The following ADCY8 variants were observed in gnomAD, a reference collection of about 807,000 sequenced individuals.
ADCY8 encodes adenylate cyclase 8, also known as adenylate cyclase type 8.
Under a neutral mutation model 119.7 loss-of-function variants are expected in ADCY8, and 51 were observed. The ratio of observed to expected loss-of-function variants is 0.43; its 90% CI spans 0.34 to 0.54. ADCY8 has a LOEUF of 0.54. Ranked by LOEUF, ADCY8 falls within the 20% of genes least tolerant of loss-of-function variation. The pLI is 0.03. For missense variants in ADCY8, 1,383 were observed against 1,598.8 expected, an observed-to-expected ratio of 0.87 and a Z score of 2.30; for synonymous variants, 665 against 651.0, an observed-to-expected ratio of 1.02 and a Z score of -0.33.
intron 8 of ADCY8, among the ~76,000 whole-genome samples, chr8:130,881,406 A>G (rs1004335926): frequency 6.6e-6 from 1 of 152,164 alleles, no homozygotes; most frequent in Non-Finnish European, 1.5e-5. Context: ...GTGTTTGAAC[A>G]TTTCAGTGTT....
At chr8:130,885,223 ATTT>A (rs200305628) in intron 7 of ADCY8, among the ~76,000 whole-genome samples, 175 of 149,504 alleles carry the variant, frequency 1.2e-3, no homozygotes, top group African/African-American at 3.5e-3. Flanking sequence ...TATGGCTTGC[ATTT>A]TTTTTTTTTT....
At chr8:130,827,977 C>T (rs1301926972) in intron 12 of ADCY8, among the ~76,000 whole-genome samples, 1 of 152,168 alleles carries the variant, frequency 6.6e-6, no homozygotes, top group African/African-American at 2.4e-5. Context: ...GGCATGTTGG[C>T]TGTGTTTGAA....
chr8:130,785,337 G>A lies in ADCY8; in HGVS notation c.3153+46C>T, dbSNP rs369291787. ...CACCACCGTCGGTGACATGACAACAGCAAGACCCCACCATGCATTGTGGCT... is the reference window on the plus strand; with the variant it reads ...CACCACCGTCGGTGACATGACAACAACAAGACCCCACCATGCATTGTGGCT... On this transcript the variant is annotated intron_variant, in intron 16 of 17. Coordinates refer to ENST00000286355, the MANE Select transcript of ADCY8 (RefSeq NM_001115.3). 6 of 1,400,288 alleles carry A rather than the reference G, an allele frequency of 4.3e-6. No individual in the cohort carries two copies. The African/African-American group carries it at 5.8e-5, about 13-fold the overall frequency. 86.7% of individuals were successfully genotyped at this position (1,400,288 alleles called of 1,614,324 possible).
At chr8:130,936,072 CAT>C (rs10645659) in intron 5 of ADCY8, among the ~76,000 whole-genome samples, 298 of 97,158 alleles carry the variant, frequency 3.1e-3, no homozygotes, top group African/African-American at 0.012. Context: ...CAAGCACTGA[CAT>C]GTGTGTGTGT....
chr8:130,807,983 C>CAAAAAAAAAAAAAAAA (rs752321769), intron 14 of ADCY8, among the ~76,000 whole-genome samples: 11 of 47,236 alleles, frequency 2.3e-4, no homozygotes, highest in Non-Finnish European at 2.4e-4. Context: ...GACTCCGTCT[C>CAAAAAAAAAAAAAAAA]AAAAAAAAAA....
At position 131,040,657 on chromosome 8, in the gene ADCY8, G is replaced by A. The variant is rs149954189; in HGVS notation, c.-324C>T. ...TGTGAGCCACGCAGCCCCTTCCTGGGCTCAGGCTCCTTGGTTGATTCTAGG... is the reference window on the plus strand; with the variant it reads ...TGTGAGCCACGCAGCCCCTTCCTGGACTCAGGCTCCTTGGTTGATTCTAGG... On this transcript the variant is annotated 5_prime_UTR_variant, in exon 1 of 18. Transcript: ENST00000286355. 2.2e-4 allele frequency: 52 copies of A among 241,088 alleles called. 1 individual carries two copies. Among genetic ancestry groups the A allele is most frequent in the Non-Finnish European group, 3.7e-4 (47 of 126,958 alleles). The allele number at this position is 241,088 out of a possible 1,614,324, so 14.9% of individuals were successfully genotyped here. A position where few individuals can be genotyped will look rare whatever the true frequency, so the allele number is the denominator to read the frequency against.
chr8:130,876,798 T>C (rs984269971), intron 8 of ADCY8, among the ~76,000 whole-genome samples: 11 of 152,206 alleles, frequency 7.2e-5, no homozygotes, highest in African/African-American at 2.2e-4. Flanking sequence ...ATTTGCCATA[T>C]GCATTACTGT....
chr8:130,785,485 A>G lies in ADCY8; in HGVS notation c.3061-10T>C. On this transcript the variant is annotated splice_polypyrimidine_tract_variant and intron_variant, in intron 15 of 17. Coordinates refer to ENST00000286355, the MANE Select transcript of ADCY8 (RefSeq NM_001115.3). ...GGTCTTCACCAAGCAACTGAAAGAG[A>G]GCCAGGCAATGGTGTTAGCCCTGGT... The G allele has an allele frequency of 6.2e-7, 1 of 1,603,270 alleles. No individual in the cohort carries two copies. Among genetic ancestry groups the G allele is most frequent in the Non-Finnish European group, 8.5e-7 (1 of 1,174,012 alleles).
intron 9 of ADCY8, among the ~76,000 whole-genome samples, chr8:130,863,330 T>C (rs1053034357): frequency 2.6e-5 from 4 of 152,034 alleles, no homozygotes; most frequent in African/African-American, 9.7e-5. Context: ...TATTTCTTCA[T>C]TTCTTTAACT....
At chr8:130,982,655 A>G (rs528540414) in intron 2 of ADCY8, among the ~76,000 whole-genome samples, 24 of 152,258 alleles carry the variant, frequency 1.6e-4, no homozygotes, top group African/African-American at 4.6e-4. Context: ...ATACTGTCCA[A>G]TAGAAATACA....
chr8:130,928,158 A>G (rs886130211), intron 5 of ADCY8, among the ~76,000 whole-genome samples: 2 of 152,190 alleles, frequency 1.3e-5, no homozygotes, highest in African/African-American at 4.8e-5. Context: ...AGCAACCTCA[A>G]ATTCCTGGGC....
intron 5 of ADCY8, among the ~76,000 whole-genome samples, chr8:130,932,935 A>T (rs770308871): frequency 5.3e-5 from 8 of 152,188 alleles, no homozygotes; most frequent in Admixed American, 2.0e-4. Context: ...CCATTTGCAC[A>T]AAAATTATAG....
chr8:130,923,251 C>T (rs1032199245), intron 5 of ADCY8, among the ~76,000 whole-genome samples: 21 of 144,958 alleles, frequency 1.4e-4, no homozygotes, highest in Admixed American at 9.0e-4. Context: ...GAAGAAGTGA[C>T]GAAGGGAAGG....
chr8:130,918,252 T>A (rs1586569745), intron 5 of ADCY8, among the ~76,000 whole-genome samples: 1 of 152,220 alleles, frequency 6.6e-6, no homozygotes, highest in Admixed American at 6.5e-5. Context: ...GATCAGGTTC[T>A]GGTGAGGGCC....
chr8:130,894,323 T>C (rs1819309318), intron 7 of ADCY8, among the ~76,000 whole-genome samples: 1 of 152,174 alleles, frequency 6.6e-6, no homozygotes. Flanking sequence ...CACATTTCTA[T>C]AAGAATGGTG....
chr8:131,040,371 G>C lies in ADCY8; in HGVS notation c.-38C>G. On this transcript the variant is annotated 5_prime_UTR_variant, in exon 1 of 18. Coordinates refer to ENST00000286355, the MANE Select transcript of ADCY8 (RefSeq NM_001115.3). ...CAGGGAAGGAGGCCCAGAACCTTGG[G>C]GAGGCAGCCGGAGGAGGGGTTCCTA... 6.9e-7 allele frequency: 1 copy of C among 1,448,948 alleles called. No homozygotes were observed. The highest frequency in any genetic ancestry group is 2.5e-5 in the East Asian group (1 of 40,070). 89.8% of individuals were successfully genotyped at this position (1,448,948 alleles called of 1,614,324 possible).
chr8:130,972,405 AACACAT>A (rs1294479735), intron 2 of ADCY8, among the ~76,000 whole-genome samples: 1 of 152,200 alleles, frequency 6.6e-6, no homozygotes, highest in Non-Finnish European at 1.5e-5. Flanking sequence ...ATCAATTTGC[AACACAT>A]ACACATACAG....
chr8:130,796,384 G>A (rs560922037), intron 15 of ADCY8, among the ~76,000 whole-genome samples: 9 of 152,276 alleles, frequency 5.9e-5, no homozygotes, highest in African/African-American at 2.2e-4. Context: ...AGGGGCTGTG[G>A]GATGAGGAGC....
chr8:130,934,570 A>G (rs6470863), intron 5 of ADCY8, among the ~76,000 whole-genome samples: 25,579 of 152,138 alleles, frequency 0.17, 2,233 homozygotes, highest in African/African-American at 0.21. Flanking sequence ...TCGCAGTCCC[A>G]TTGTCCCCCT....
Sources: allele counts gnomAD v4.1 joint callset (sites outside exome capture counted in the v4.1 genomes callset), GRCh38; gene constraint gnomAD v4.1.1; transcripts MANE v1.5; gene names NCBI Gene and HGNC (gene_info 2026-07-23, HGNC 2026-07-21).